The following ARK2N variants were observed in gnomAD, a reference collection of about 807,000 sequenced individuals.
ARK2N encodes the protein arkadia (RNF111) N-terminal like PKA signaling regulator 2N.
chr18:46,258,802 CTA>C, the ARK2N span, among the ~76,000 whole-genome samples: 2 of 152,140 alleles, frequency 1.3e-5, no homozygotes, highest in Admixed American at 6.5e-5. Flanking sequence ...ATACATGAAA[CTA>C]TTTTTTTTTA....
chr18:46,211,819 A>G, the ARK2N span, among the ~76,000 whole-genome samples: 1 of 152,200 alleles, frequency 6.6e-6, no homozygotes, highest in African/African-American at 2.4e-5. Flanking sequence ...TTTACTGTCA[A>G]CATTAACCCA....
chr18:46,259,286 C>T, the ARK2N span, among the ~76,000 whole-genome samples: 2 of 150,996 alleles, frequency 1.3e-5, no homozygotes, highest in Admixed American at 1.3e-4. Flanking sequence ...TTCTGTCACC[C>T]AGGCTGGAGT....
chr18:46,245,453 C>T, the ARK2N span, among the ~76,000 whole-genome samples: 2 of 151,618 alleles, frequency 1.3e-5, no homozygotes, highest in Non-Finnish European at 2.9e-5. Flanking sequence ...CTCCTGTAGT[C>T]GCAGCTACTT....
At chr18:46,205,854 T>C in the ARK2N span, among the ~76,000 whole-genome samples, 1 of 152,150 alleles carries the variant, frequency 6.6e-6, no homozygotes, top group South Asian at 2.1e-4. Flanking sequence ...GCCTCCCTAG[T>C]AGCTGGTACT....
chr18:46,174,224 T>G, the ARK2N span: 1 of 152,248 alleles, frequency 6.6e-6, no homozygotes, highest in Non-Finnish European at 1.5e-5. Flanking sequence ...GGCCGTCGCG[T>G]CCTGAGTCAC....
the ARK2N span, chr18:46,215,822 G>T: frequency 8.0e-6 from 12 of 1,509,134 alleles, no homozygotes; most frequent in East Asian, 2.7e-4. Flanking sequence ...TTGCTTTCCT[G>T]TTGCATCTTT....
chr18:46,227,763 A>G, the ARK2N span, among the ~76,000 whole-genome samples: 1 of 151,876 alleles, frequency 6.6e-6, no homozygotes, highest in Non-Finnish European at 1.5e-5. Context: ...ATGCCTGGCT[A>G]ATTTTTGTAT....
chr18:46,178,489 T>G, the ARK2N span, among the ~76,000 whole-genome samples: 1 of 152,164 alleles, frequency 6.6e-6, no homozygotes, highest in Non-Finnish European at 1.5e-5. Context: ...ATTTTTGTAT[T>G]TGGTAGAGAC....
chr18:46,184,306 T>C, the ARK2N span, among the ~76,000 whole-genome samples: 22 of 152,272 alleles, frequency 1.4e-4, no homozygotes, highest in African/African-American at 5.3e-4. Flanking sequence ...GTATTTTTAA[T>C]AGAGACGGGG....
the ARK2N span, among the ~76,000 whole-genome samples, chr18:46,195,580 T>A: frequency 7.6e-6 from 1 of 131,596 alleles, no homozygotes; most frequent in Non-Finnish European, 1.6e-5. Flanking sequence ...TTTTTTTTTT[T>A]TTTTTTTTTT....
At chr18:46,183,958 G>A in the ARK2N span, among the ~76,000 whole-genome samples, 3 of 151,466 alleles carry the variant, frequency 2.0e-5, no homozygotes, top group East Asian at 3.9e-4. Flanking sequence ...TGAGTAGCTA[G>A]GATTACAGGT....
the ARK2N span, among the ~76,000 whole-genome samples, chr18:46,238,263 A>G: frequency 2.0e-5 from 3 of 152,176 alleles, no homozygotes; most frequent in African/African-American, 4.8e-5. Context: ...CACTAAAATA[A>G]CTTAGTACAA....
chr18:46,224,256 A>AT, the ARK2N span, among the ~76,000 whole-genome samples: 1 of 152,144 alleles, frequency 6.6e-6, no homozygotes. Flanking sequence ...ACTTAACTAC[A>AT]TTTTTTTGTG....
At chr18:46,203,471 G>A in the ARK2N span, among the ~76,000 whole-genome samples, 1 of 152,182 alleles carries the variant, frequency 6.6e-6, no homozygotes. Context: ...GGGGACATGA[G>A]GGATGCTTCT....
At chr18:46,221,259 A>C in the ARK2N span, among the ~76,000 whole-genome samples, 1 of 151,886 alleles carries the variant, frequency 6.6e-6, no homozygotes, top group African/African-American at 2.4e-5. Flanking sequence ...TAGAAGAATG[A>C]TATCTTGCTG....
At chr18:46,257,469 C>T in the ARK2N span, among the ~76,000 whole-genome samples, 77 of 152,172 alleles carry the variant, frequency 5.1e-4, no homozygotes, top group African/African-American at 1.4e-3. Flanking sequence ...AATGGTTGAA[C>T]GCATATTTTA....
the ARK2N span, among the ~76,000 whole-genome samples, chr18:46,249,354 T>A: frequency 6.6e-6 from 1 of 152,110 alleles, no homozygotes; most frequent in Non-Finnish European, 1.5e-5. Flanking sequence ...CTCAGCCTCC[T>A]GAGCAGCTGG....
At chr18:46,188,008 G>A in the ARK2N span, among the ~76,000 whole-genome samples, 3 of 152,040 alleles carry the variant, frequency 2.0e-5, no homozygotes, top group African/African-American at 7.2e-5. Context: ...TTCTTTTATT[G>A]ATTAAGCATT....
At chr18:46,188,171 C>T in the ARK2N span, among the ~76,000 whole-genome samples, 2 of 152,068 alleles carry the variant, frequency 1.3e-5, no homozygotes, top group African/African-American at 4.8e-5. Flanking sequence ...AGTAACTGTC[C>T]ACTTGTACAG....
Sources: allele counts gnomAD v4.1 joint callset (sites outside exome capture counted in the v4.1 genomes callset), GRCh38; gene constraint gnomAD v4.1.1; transcripts MANE v1.5; gene names NCBI Gene and HGNC (gene_info 2026-07-23, HGNC 2026-07-21).